The following SH3PXD2A variants were observed in gnomAD, a reference collection of about 807,000 sequenced individuals.
The protein encoded by SH3PXD2A is SH3 and PX domains 2A, also known as SH3 and PX domain-containing protein 2A.
In SH3PXD2A, 32 loss-of-function variants were observed where a neutral mutation model predicts 115.2. That is an observed-to-expected ratio of 0.28 (90% CI 0.21 to 0.37). SH3PXD2A has a LOEUF of 0.37. SH3PXD2A is among the 10% of genes least tolerant of loss of function. SH3PXD2A has a pLI of 1.00. For missense variants in SH3PXD2A, 1,328 were observed against 1,498.7 expected, an observed-to-expected ratio of 0.89 and a Z score of 1.88; for synonymous variants, 610 against 629.1, an observed-to-expected ratio of 0.97 and a Z score of 0.45.
chr10:103,734,926 T>C (rs989212554), intron 4 of SH3PXD2A, among the ~76,000 whole-genome samples: 1 of 152,242 alleles, frequency 6.6e-6, no homozygotes, highest in African/African-American at 2.4e-5. Flanking sequence ...TCCATCCTCA[T>C]GACCACCGTG....
chr10:103,618,128 G>T (rs2036547977), intron 10 of SH3PXD2A, among the ~76,000 whole-genome samples: 1 of 152,204 alleles, frequency 6.6e-6, no homozygotes, highest in South Asian at 2.1e-4. Context: ...TGTCACTTCA[G>T]GGTCTTGCCC....
chr10:103,650,577 T>G (rs1279259843), intron 8 of SH3PXD2A, among the ~76,000 whole-genome samples: 1 of 152,334 alleles, frequency 6.6e-6, no homozygotes, highest in East Asian at 1.9e-4. Context: ...TCACTCTGCT[T>G]GGAGCACCTT....
rs1051164442 is a variant in SH3PXD2A, at chr10:103,615,507, T to C, written c.920+1690A>G. On this transcript the variant is annotated intron_variant, in intron 11 of 14. Coordinates refer to ENST00000369774, the MANE Select transcript of SH3PXD2A (RefSeq NM_001394015.1). ...GGGTGTGTGTGTGTGTGTGTGTGTGTGTGTGTGTGTGTGTGTGTGTGTGTA... is the reference window on the plus strand; with the variant it reads ...GGGTGTGTGTGTGTGTGTGTGTGTGCGTGTGTGTGTGTGTGTGTGTGTGTA... Among the ~76,000 whole-genome samples the C allele has an allele frequency of 4.3e-3, 632 of 148,526 alleles. 22 individuals carry two copies. The East Asian group carries it at 0.078, about 18-fold the overall frequency.
At chr10:103,654,056 G>A (rs1196450339) in intron 8 of SH3PXD2A, among the ~76,000 whole-genome samples, 1 of 151,958 alleles carries the variant, frequency 6.6e-6, no homozygotes, top group Non-Finnish European at 1.5e-5. Context: ...CCTGCTCAAT[G>A]CCTCCAGGAA....
intron 1 of SH3PXD2A, among the ~76,000 whole-genome samples, chr10:103,852,363 C>T (rs926565954): frequency 3.9e-5 from 6 of 152,264 alleles, no homozygotes; most frequent in Admixed American, 3.9e-4. Context: ...CCTGAGAGAA[C>T]CTTTGCAGTG....
rs201832050 is a variant in SH3PXD2A, at chr10:103,612,911, G to C, written c.1200C>G (p.Ser400=). Residue 400 remains serine, a synonymous_variant, in exon 12 of 15, where the codon TCC becomes TCG. Transcript: ENST00000369774. ...SAVGVPDRTV[S]RLAQGSPAVA... is the part of the protein sequence containing the mutation. ...CAGCTGGAGAGCCCTGGGCCAGCCT[G>C]GAGACAGTCCTGTCAGGAACGCCCA... The C allele has an allele frequency of 1.5e-4, 238 of 1,610,594 alleles. No homozygotes were observed. Among genetic ancestry groups the C allele is most frequent in the Non-Finnish European group, 1.1e-4 (131 of 1,178,436 alleles).
At chr10:103,799,512 C>T (rs950763518) in intron 2 of SH3PXD2A, among the ~76,000 whole-genome samples, 3 of 152,366 alleles carry the variant, frequency 2.0e-5, no homozygotes, top group South Asian at 4.1e-4. Context: ...TCCCTGCTTG[C>T]GTATCCCCTT....
chr10:103,636,423 AAAAAG>A (rs911518703), intron 8 of SH3PXD2A, among the ~76,000 whole-genome samples: 3 of 151,930 alleles, frequency 2.0e-5, no homozygotes, highest in African/African-American at 7.3e-5. Context: ...AAAAAAAAAA[AAAAAG>A]AGTAGAGATG....
At chr10:103,719,589 A>T (rs1056591643) in intron 5 of SH3PXD2A, among the ~76,000 whole-genome samples, 15 of 152,142 alleles carry the variant, frequency 9.9e-5, no homozygotes, top group Admixed American at 5.2e-4. Flanking sequence ...AGACAAGTTC[A>T]TACTCTCCTG....
At position 103,735,782 on chromosome 10, in the gene SH3PXD2A, T is replaced by A. The variant is rs1259473323; in HGVS notation, c.256A>T (p.Ile86Phe). The change falls in exon 4 of 15, where the codon ATC becomes TTC. Residue 86 changes from isoleucine (I) to phenylalanine (F), a missense_variant. Physicochemically the swap from Ile to Phe is conservative, Grantham distance 21. Around this residue, in one of 5 missense-constraint regions of SH3PXD2A, gnomAD observed 110 missense variants for 160.0 expected, o/e 0.69. Transcript: ENST00000369774. ...PGKILFRRSH[I>F]RDVAVKRLKP... Reference sequence around the variant, plus strand: ...AGTCTCTTCACAGCTACGTCCCGGATGTGGCTTCTGCGGAAGAGGATCTTG... The same window carrying A: ...AGTCTCTTCACAGCTACGTCCCGGAAGTGGCTTCTGCGGAAGAGGATCTTG... 6.2e-7 allele frequency: 1 copy of A among 1,613,898 alleles called. No individual in the cohort carries two copies. The highest frequency in any genetic ancestry group is 8.5e-7 in the Non-Finnish European group (1 of 1,179,926).
rs1306148482 is a variant in SH3PXD2A at position 103,668,903 on chromosome 10, G to T, written c.428-251C>A. On this transcript the variant is annotated intron_variant, in intron 6 of 14. Coordinates refer to ENST00000369774, the MANE Select transcript of SH3PXD2A (RefSeq NM_001394015.1). Reference sequence around the variant, plus strand: ...TAATGAGGTGTCCGCCGAAATGCAGGACTCCTTCGGAGCACAGAGAATCCC... The same window carrying T: ...TAATGAGGTGTCCGCCGAAATGCAGTACTCCTTCGGAGCACAGAGAATCCC... 2.6e-5 allele frequency among the ~76,000 whole-genome samples: 4 copies of T among 152,378 alleles called. No homozygotes were observed. In the East Asian group the frequency reaches 7.7e-4, roughly 29 times the overall value.
At chr10:103,813,086 G>C (rs938330305) in intron 1 of SH3PXD2A, among the ~76,000 whole-genome samples, 1 of 152,050 alleles carries the variant, frequency 6.6e-6, no homozygotes, top group Non-Finnish European at 1.5e-5. Flanking sequence ...ATATCATTAT[G>C]GGAAAAGGTT....
chr10:103,728,982 T>A (rs1419441570), intron 4 of SH3PXD2A, among the ~76,000 whole-genome samples: 1 of 145,616 alleles, frequency 6.9e-6, no homozygotes, highest in Non-Finnish European at 1.5e-5. Flanking sequence ...AGCCTCCCCC[T>A]CGCCGGGTTC....
intron 8 of SH3PXD2A, among the ~76,000 whole-genome samples, chr10:103,628,955 T>C (rs2036738713): frequency 6.6e-6 from 1 of 152,170 alleles, no homozygotes; most frequent in African/African-American, 2.4e-5. Context: ...AACACGTACA[T>C]AGGTGAATGA....
chr10:103,602,066 T>A lies in SH3PXD2A; in HGVS notation c.3152A>T (p.Asn1051Ile), dbSNP rs148790099. ...GCGCACAGGGGACACGGGTATGCTG[T>A]TGCGCTGGGCGGGCAGTAGGGGTGA... ...SDSPLLPAQR[N>I]SIPVSPVRPK... is the part of the protein sequence containing the mutation. The change falls in exon 15 of 15, where the codon AAC (asparagine) becomes ATC (isoleucine). Residue 1051 changes from asparagine (N) to isoleucine (I), a missense_variant. By Grantham distance (149) the Asn-to-Ile change is moderately radical. This residue lies in a region of SH3PXD2A where 574 missense variants were observed against 565.7 expected (regional missense o/e 1.01). Transcript: ENST00000369774. The A allele has an allele frequency of 5.6e-6, 9 of 1,603,450 alleles. No homozygotes were observed. The highest frequency in any genetic ancestry group is 3.4e-6 in the Non-Finnish European group (4 of 1,173,528).
chr10:103,811,201 G>A (rs905960137), intron 1 of SH3PXD2A, among the ~76,000 whole-genome samples: 8 of 152,186 alleles, frequency 5.3e-5, no homozygotes, highest in African/African-American at 1.4e-4. Context: ...GAACTCCCAG[G>A]ATTCACAATC....
intron 8 of SH3PXD2A, among the ~76,000 whole-genome samples, chr10:103,632,387 G>A (rs997722970): frequency 2.0e-5 from 3 of 152,208 alleles, no homozygotes; most frequent in African/African-American, 4.8e-5. Context: ...TGGTGCACCA[G>A]TGACTTTGGT....
chr10:103,662,383 G>T (rs1175617616), intron 7 of SH3PXD2A, among the ~76,000 whole-genome samples: 1 of 111,212 alleles, frequency 9.0e-6, no homozygotes, highest in Non-Finnish European at 1.8e-5. Flanking sequence ...AAAATATGAT[G>T]TGCTTTTTTT....
chr10:103,706,729 C>T (rs1015523228), intron 5 of SH3PXD2A, among the ~76,000 whole-genome samples: 7 of 152,158 alleles, frequency 4.6e-5, no homozygotes, highest in East Asian at 1.9e-4. Flanking sequence ...AACACCATCC[C>T]GAGCATCCTC....
Sources: allele counts gnomAD v4.1 joint callset (sites outside exome capture counted in the v4.1 genomes callset), GRCh38; gene constraint gnomAD v4.1.1; regional missense constraint gnomAD v4.1.1; transcripts MANE v1.5; gene names NCBI Gene and HGNC (gene_info 2026-07-23, HGNC 2026-07-21).